PSMD2: variants seen among roughly 807,000 people sequenced by gnomAD.
PSMD2 encodes the protein 26S proteasome non-ATPase regulatory subunit 2.
Under a neutral mutation model 101.5 loss-of-function variants are expected in PSMD2, and 8 were observed. That is an observed-to-expected ratio of 0.08 (90% confidence interval 0.05 to 0.14). PSMD2 has a LOEUF of 0.14. Ranked by LOEUF, PSMD2 falls within the 10% of genes least tolerant of loss-of-function variation. The pLI is 1.00. For missense variants in PSMD2, 784 were observed against 1,147.4 expected (o/e 0.68, Z 4.58); for synonymous variants, 418 against 433.8 (o/e 0.96, Z 0.45).
Position 184,308,373 on chromosome 3 carries a change from T to G in PSMD2, c.2426-76T>G. ...GACTGACGGGTTAAAGGGTCAGCGC[T>G]GAGGTGGGCTCTCAATGTTTCTGGC... On this transcript the variant is annotated intron_variant, in intron 19 of 20. Transcript: ENST00000310118. The surrounding 1 kb of genome is among the most constrained non-coding windows in gnomAD (Gnocchi z 6.0). The G allele has an allele frequency of 5.0e-6, 6 of 1,195,770 alleles. No homozygotes were observed. Among genetic ancestry groups the G allele is most frequent in the Non-Finnish European group, 7.2e-6 (6 of 833,098 alleles). 74.1% of individuals were successfully genotyped at this position (1,195,770 alleles called of 1,614,324 possible).
At position 184,299,884 on chromosome 3, in the gene PSMD2, G is replaced by A; in HGVS notation, c.169G>A (p.Glu57Lys). 10 of 1,613,968 alleles carry A rather than the reference G, an allele frequency of 6.2e-6. No homozygotes were observed. Among genetic ancestry groups the A allele is most frequent in the Non-Finnish European group, 8.5e-6 (10 of 1,179,836 alleles). The change falls in exon 2 of 21, where the codon GAG becomes AAG. Residue 57 changes from glutamate to lysine, a missense_variant. By Grantham distance (56) the Glu-to-Lys change is moderately conservative. Coordinates refer to ENST00000310118, the MANE Select transcript of PSMD2 (RefSeq NM_002808.5). ...EEDKQLQDELEMLVERLGEKD... is the reference protein window; with the variant it reads ...EEDKQLQDELKMLVERLGEKD... ...GGATAAACAGCTTCAAGATGAACTG[G>A]AGATGCTCGTGGAACGACTAGGGGT...
At chr3:184,301,736 T>C in intron 4 of PSMD2, 78 bp downstream of exon 4, 1 of 1,608,998 alleles carries the variant, frequency 6.2e-7, no homozygotes, top group South Asian at 1.1e-5. Context: ...TGGAGTACAA[T>C]CTGTCTTGGA....
In PSMD2 at chr3:184,303,442, T is replaced by C; in HGVS notation, c.1192T>C (p.Trp398Arg). The C allele has an allele frequency of 1.2e-6, 2 of 1,614,168 alleles. No individual in the cohort carries two copies. Among genetic ancestry groups the C allele is most frequent in the Non-Finnish European group, 1.7e-6 (2 of 1,180,020 alleles). ...GCTGCTAACAGATGATGGCAACAAA[T>C]GGCTTTACAAGAACAAGGACCACGG... is the stretch of plus-strand genomic sequence containing the variant. The part of the protein sequence containing the change: ...DKLLTDDGNK[W>R]LYKNKDHGML... The change falls in exon 9 of 21, where the codon TGG (tryptophan) becomes CGG (arginine). Residue 398 changes from tryptophan to arginine, a missense_variant. By Grantham distance (101) the Trp-to-Arg change is moderately radical (BLOSUM62 -3). Coordinates refer to ENST00000310118, the MANE Select transcript of PSMD2 (RefSeq NM_002808.5).
rs549196458 is a variant in PSMD2 at position 184,302,250 on chromosome 3, C to T, written c.705-120C>T. On this transcript the variant is annotated intron_variant, in intron 5 of 20. Coordinates refer to ENST00000310118, the MANE Select transcript of PSMD2 (RefSeq NM_002808.5). ...CTTTGTGTCTTCTTAGTAGTTCTAA[C>T]ATCTAGCACAGTGCCTGGTGTATAT... The T allele has an allele frequency of 6.2e-5, 75 of 1,216,792 alleles. No homozygotes were observed. The African/African-American group carries it at 8.2e-4, about 13-fold the overall frequency. 75.4% of individuals were successfully genotyped at this position (1,216,792 alleles called of 1,614,324 possible).
intron 3 of PSMD2, chr3:184,300,795 C>T (rs978405654): frequency 1.9e-5 from 8 of 430,766 alleles, no homozygotes; most frequent in Middle Eastern, 1.0e-3. Context: ...CAACCCTAAT[C>T]CTGGAAATGT....
rs1721752269 is a variant in PSMD2 at position 184,304,313 on chromosome 3, G to A, written c.1461G>A (p.Leu487=). The A allele has an allele frequency of 6.2e-7, 1 of 1,614,206 alleles. No homozygotes were observed. Among genetic ancestry groups the A allele is most frequent in the African/African-American group, 1.3e-5 (1 of 75,050 alleles). The change falls in exon 12 of 21, where the codon TTG becomes TTA. Residue 487 remains leucine (L), a synonymous_variant. Transcript: ENST00000310118. The surrounding 1 kb of genome is among the most constrained non-coding windows in gnomAD (Gnocchi z 4.1). ...TCCATGGCTTTTGCAGGCTAGGCTT[G>A]GCTTATGCTGGCTCAAATCGTGAAG... ...MRLGSIFGLG[L]AYAGSNREDV...
chr3:184,302,527 G>A lies in PSMD2; in HGVS notation c.862G>A (p.Val288Met). Residue 288 changes from valine to methionine, a missense_variant and splice_region_variant, in exon 6 of 21, where the codon GTG becomes ATG. Transcript: ENST00000310118. ...AGACATCTTCACCTCCTGCAAGGAT[G>A]TGTATGTAGGGAAGAAGCTGGCAAA... is the stretch of plus-strand genomic sequence containing the variant. ...VEDIFTSCKD[V>M]VVQKQMAFML... 2 of 1,614,010 alleles carry A rather than the reference G, an allele frequency of 1.2e-6. No individual in the cohort carries two copies. The highest frequency in any genetic ancestry group is 1.7e-6 in the Non-Finnish European group (2 of 1,179,942).
chr3:184,306,897 A>G (rs1721850829), intron 16 of PSMD2, 63 bp downstream of exon 16: 1 of 1,329,198 alleles, frequency 7.5e-7, no homozygotes, highest in Non-Finnish European at 1.1e-6. Context: ...TCCCCAGGGA[A>G]GATTTTTCTG....
At chr3:184,300,510 G>T (rs540501684) in intron 3 of PSMD2, 66 bp downstream of exon 3, 7 of 1,554,890 alleles carry the variant, frequency 4.5e-6, no homozygotes, top group South Asian at 2.4e-5. Flanking sequence ...ATCATGGGGG[G>T]ACTCATTGTG....
chr3:184,305,814 C>A lies in PSMD2; in HGVS notation c.1586C>A (p.Ser529Tyr). 6.2e-7 allele frequency: 1 copy of A among 1,614,112 alleles called. No individual in the cohort carries two copies. The highest frequency in any genetic ancestry group is 8.5e-7 in the Non-Finnish European group (1 of 1,180,014). The change falls in exon 13 of 21, where the codon TCC (serine) becomes TAC (tyrosine). Residue 529 changes from serine to tyrosine, a missense_variant. Ser to Tyr is a moderately radical substitution (Grantham distance 144). Coordinates refer to ENST00000310118, the MANE Select transcript of PSMD2 (RefSeq NM_002808.5). ...GCCTGTGGAATGATAGCAGTAGGGT[C>A]CTGCAATGGAGATGTAACTTCCACT... ...ALACGMIAVG[S>Y]CNGDVTSTIL...
At position 184,306,470 on chromosome 3, in the gene PSMD2, C is replaced by A; in HGVS notation, c.1925C>A (p.Ala642Asp). The A allele has an allele frequency of 6.2e-7, 1 of 1,613,974 alleles. No individual in the cohort carries two copies. The highest frequency in any genetic ancestry group is 1.3e-5 in the African/African-American group (1 of 74,996). Residue 642 changes from alanine (A) to aspartate (D), a missense_variant, in exon 15 of 21, where the codon GCC (alanine) becomes GAC (aspartate). Physicochemically the swap from Ala to Asp is moderately radical, Grantham distance 126. This residue lies in a region of PSMD2 where 282 missense variants were observed against 437.6 expected (regional missense o/e 0.64). Transcript: ENST00000310118. ...KEKKDKDKKE[A>D]PADMGAHQGV... Reference sequence around the variant, plus strand: ...AAGAAAGACAAGGACAAGAAGGAAGCCCCTGCTGACATGGGAGCACATCAG... The same window carrying A: ...AAGAAAGACAAGGACAAGAAGGAAGACCCTGCTGACATGGGAGCACATCAG...
At chr3:184,307,279 T>C in intron 16 of PSMD2, 78 bp from the exon 17 acceptor site, 1 of 1,501,782 alleles carries the variant, frequency 6.7e-7, no homozygotes, top group Non-Finnish European at 9.2e-7. Context: ...GGCCCCCTTT[T>C]ACCCATCAGT....
Position 184,308,034 on chromosome 3 carries a change from A to C in PSMD2, c.2425+18A>C. ...TCGAAACAGTGAGTTCCTGTCAGAA[A>C]TTTTATATCATAGCATGCAGGGCTC... is the stretch of plus-strand genomic sequence containing the variant. On this transcript the variant is annotated intron_variant, in intron 19 of 20. Coordinates refer to ENST00000310118, the MANE Select transcript of PSMD2 (RefSeq NM_002808.5). This position sits in a 1 kb window ranked among gnomAD's most constrained non-coding sequence, Gnocchi z 6.0. 1 of 1,613,284 alleles carries C rather than the reference A, an allele frequency of 6.2e-7. No individual in the cohort carries two copies. The highest frequency in any genetic ancestry group is 1.6e-4 in the Middle Eastern group (1 of 6,062).
chr3:184,302,447 G>A lies in PSMD2; in HGVS notation c.782G>A (p.Arg261His), dbSNP rs1298665894. 1.6e-5 allele frequency: 26 copies of A among 1,614,028 alleles called. No homozygotes were observed. Among genetic ancestry groups the A allele is most frequent in the Non-Finnish European group, 2.0e-5 (24 of 1,180,034 alleles). Residue 261 changes from arginine (R) to histidine (H), a missense_variant, in exon 6 of 21, where the codon CGC (arginine) becomes CAC (histidine). By Grantham distance (29) the Arg-to-His change is conservative. Coordinates refer to ENST00000310118, the MANE Select transcript of PSMD2 (RefSeq NM_002808.5). The part of the protein sequence containing the change: ...CALGVFRKFS[R>H]FPEALRLALM... The stretch of plus-strand genomic sequence containing the variant: ...CTGGGTGTGTTCCGAAAGTTTAGCC[G>A]CTTCCCTGAAGCTCTGAGATTGGCA...
chr3:184,305,717 A>G (rs767550652), intron 12 of PSMD2, 51 bp from the exon 13 acceptor site: 2 of 1,538,126 alleles, frequency 1.3e-6, no homozygotes. Flanking sequence ...GAATCAAGAC[A>G]TAAATATTTT....
chr3:184,301,558 T>A lies in PSMD2; in HGVS notation c.379T>A (p.Ser127Thr). 6.2e-7 allele frequency: 1 copy of A among 1,613,898 alleles called. No individual in the cohort carries two copies. The highest frequency in any genetic ancestry group is 1.3e-5 in the African/African-American group (1 of 75,008). Residue 127 changes from serine (S) to threonine (T), a missense_variant, in exon 4 of 21, where the codon TCC becomes ACC. Transcript: ENST00000310118. ...ATAGCGTTTTGCTGCTGACATCATC[T>A]CCGTTTTGGCCATGACCATGAGTGG... is the stretch of plus-strand genomic sequence containing the variant. ...ENKRFAADII[S>T]VLAMTMSGER...
chr3:184,305,292 C>T (rs1163224922), intron 12 of PSMD2, among the ~76,000 whole-genome samples: 1 of 152,100 alleles, frequency 6.6e-6, no homozygotes, highest in Non-Finnish European at 1.5e-5. Flanking sequence ...AGATCAAGAC[C>T]ATCCTGGCCA....
intron 10 of PSMD2, 76 bp from the exon 11 acceptor site, chr3:184,303,871 A>G: frequency 6.2e-7 from 1 of 1,609,396 alleles, no homozygotes; most frequent in African/African-American, 1.3e-5. Flanking sequence ...AGGGTGCTGC[A>G]GTGAGGCCCA....
In PSMD2 at chr3:184,305,407, C is replaced by G. The variant is rs78578926; in HGVS notation, c.1540-361C>G. ...GGGAGGCTGAGGCAGGAGAATCGCT[C>G]GAACCCAGGAGGTGGAGGTTGCGGT... On this transcript the variant is annotated intron_variant, in intron 12 of 20. Coordinates refer to ENST00000310118, the MANE Select transcript of PSMD2 (RefSeq NM_002808.5). 4.8e-4 allele frequency among the ~76,000 whole-genome samples: 72 copies of G among 151,066 alleles called. 1 individual carries two copies. In the East Asian group the frequency reaches 0.013, roughly 28 times the overall value.
Sources: gnomAD v4.1 joint callset for allele counts (sites outside exome capture counted in the v4.1 genomes callset) on GRCh38, gnomAD v4.1.1 for gene constraint, gnomAD v4.1.1 regional missense constraint, Gnocchi (gnomAD v3.1) non-coding constraint, MANE v1.5 for transcripts, NCBI Gene and HGNC (gene_info 2026-07-23, HGNC 2026-07-21) for gene names.